USP28: variants seen among roughly 807,000 people sequenced by gnomAD.
USP28 encodes the protein ubiquitin carboxyl-terminal hydrolase 28.
USP28 carries 113 observed loss-of-function variants against 145.0 expected under a neutral mutation model. That is an observed-to-expected ratio of 0.78 (90% CI 0.67 to 0.91). The LOEUF (loss-of-function observed/expected upper bound fraction) is 0.91, where lower values mean the gene tolerates loss of function less well. USP28 is among the 40% of genes least tolerant of loss of function. The pLI is 0.00. For synonymous variants in USP28, 447 were observed against 450.9 expected (o/e 0.99, Z 0.11); for missense variants, 1,201 against 1,289.6 (o/e 0.93, Z 1.05).
chr11:113,840,832 A>G lies in USP28; in HGVS notation c.375-75T>C. 2.0e-6 allele frequency: 3 copies of G among 1,488,720 alleles called. No homozygotes were observed. The African/African-American group carries it at 4.2e-5, about 21-fold the overall frequency. 92.2% of individuals were successfully genotyped at this position (1,488,720 alleles called of 1,614,324 possible). On this transcript the variant is annotated intron_variant, in intron 4 of 24. Coordinates refer to ENST00000003302, the Ensembl canonical transcript of USP28. ...AATATAGCATATGGAGGATGCTATA[A>G]CTTTTCGTGGATAATTCAAAACACC...
exon 17 of USP28, chr11:113,809,148 C>G (rs1342176161): frequency 1.2e-6 from 2 of 1,614,214 alleles, no homozygotes; most frequent in Non-Finnish European, 1.7e-6. Flanking sequence ...CTTCCCACTC[C>G]TCTACTTCCT....
chr11:113,846,391 T>C (rs1411031951), intron 3 of USP28, among the ~76,000 whole-genome samples: 3 of 152,236 alleles, frequency 2.0e-5, no homozygotes, highest in African/African-American at 4.8e-5. Flanking sequence ...ACAGATATTA[T>C]GCCAAATTAA....
intron 3 of USP28, among the ~76,000 whole-genome samples, chr11:113,851,624 G>A (rs977935585): frequency 2.0e-5 from 3 of 152,182 alleles, no homozygotes; most frequent in African/African-American, 4.8e-5. Context: ...GTAAAACCCC[G>A]TCTCTACTAA....
At chr11:113,855,259 A>G (rs188061049) in intron 1 of USP28, among the ~76,000 whole-genome samples, 52 of 151,040 alleles carry the variant, frequency 3.4e-4, no homozygotes, top group African/African-American at 1.3e-3. Flanking sequence ...TCAGTTTACA[A>G]CCCCTTCAGC....
At chr11:113,867,811 G>A (rs1565514375) in intron 1 of USP28, among the ~76,000 whole-genome samples, 2 of 146,292 alleles carry the variant, frequency 1.4e-5, no homozygotes, top group Non-Finnish European at 3.0e-5. Flanking sequence ...AGGGGGGAGG[G>A]AGGGAGGGAG....
chr11:113,855,202 C>T (rs1946916099), intron 1 of USP28, among the ~76,000 whole-genome samples: 2 of 152,144 alleles, frequency 1.3e-5, no homozygotes, highest in Admixed American at 1.3e-4. Context: ...CTTCATTAAC[C>T]TAAATCATGG....
At chr11:113,866,165 G>A (rs980736282) in intron 1 of USP28, among the ~76,000 whole-genome samples, 2 of 152,116 alleles carry the variant, frequency 1.3e-5, no homozygotes, top group African/African-American at 4.8e-5. Flanking sequence ...GTTGGCACGC[G>A]CCTGTAATCC....
intron 18 of USP28, among the ~76,000 whole-genome samples, chr11:113,807,321 G>A (rs897583833): frequency 6.6e-6 from 1 of 152,048 alleles, no homozygotes; most frequent in Non-Finnish European, 1.5e-5. Context: ...TGATCCACCC[G>A]CCTTGGCCTC....
intron 3 of USP28, among the ~76,000 whole-genome samples, chr11:113,845,743 T>C (rs1467174777): frequency 1.3e-5 from 2 of 152,104 alleles, no homozygotes; most frequent in Non-Finnish European, 2.9e-5. Flanking sequence ...CCTGGCTAAT[T>C]TTTCTATCTT....
chr11:113,874,982 G>A, intron 1 of USP28: 8 of 922,726 alleles, frequency 8.7e-6, no homozygotes, highest in Non-Finnish European at 1.0e-5. Context: ...TGGTCTTATA[G>A]AAGACGGTGA....
At position 113,854,235 on chromosome 11, in the gene USP28, C is replaced by T. The variant is rs374338678; in HGVS notation, c.135+23G>A. 2,003 of 1,602,924 alleles carry T rather than the reference C, an allele frequency of 1.2e-3. 45 individuals are homozygous for T. In the South Asian group the frequency reaches 0.02, roughly 16 times the overall value. ...AGACAGCTGCTTTAAAGCCTCCTGA[C>T]TAACAGAGATCTGGAAACCAACCTT... is the stretch of plus-strand genomic sequence containing the variant. On this transcript the variant is annotated intron_variant, in intron 2 of 24. Coordinates refer to ENST00000003302, the Ensembl canonical transcript of USP28.
chr11:113,845,149 TAAAA>T lies in USP28; in HGVS notation c.269-3385_269-3382del, dbSNP rs1370733625. Among the ~76,000 whole-genome samples the T allele has an allele frequency of 5.2e-5, 7 of 133,652 alleles. No individual in the cohort carries two copies. The East Asian group carries it at 1.6e-3, about 30-fold the overall frequency. The allele number at this position is 133,652 out of a possible 152,430, so 87.7% of individuals were successfully genotyped here. ...AAAAAAAAACAACAAAATAAATAAA[TAAAA>T]TACGGCCAGGCATGGTGGCTCATGC... On this transcript the variant is annotated intron_variant, in intron 3 of 24. Transcript: ENST00000003302.
rs114214093 is a variant in USP28, at chr11:113,811,716, A to T, written c.1972+560T>A. ...AAAAAAAGAAAGAAAAAATTTAGTT[A>T]TTCTCCAAAGGGTGCAAAAATATAT... On this transcript the variant is annotated intron_variant, in intron 16 of 24. Coordinates refer to ENST00000003302, the Ensembl canonical transcript of USP28. Among the ~76,000 whole-genome samples the T allele has an allele frequency of 7.9e-3, 1,205 of 152,092 alleles. 18 individuals carry two copies. Among genetic ancestry groups the T allele is most frequent in the African/African-American group, 0.028 (1,163 of 41,492 alleles).
intron 5 of USP28, among the ~76,000 whole-genome samples, chr11:113,836,089 A>G (rs1344910879): frequency 6.6e-6 from 1 of 152,214 alleles, no homozygotes; most frequent in Non-Finnish European, 1.5e-5. Flanking sequence ...AACAAAAAAA[A>G]AGAAAAACAA....
chr11:113,865,359 A>G (rs1461837912), intron 1 of USP28, among the ~76,000 whole-genome samples: 1 of 152,208 alleles, frequency 6.6e-6, no homozygotes, highest in Non-Finnish European at 1.5e-5. Context: ...AAATTCACAC[A>G]GAATTTCAAA....
At chr11:113,802,170 C>A (rs915426277) in intron 23 of USP28, among the ~76,000 whole-genome samples, 1 of 152,076 alleles carries the variant, frequency 6.6e-6, no homozygotes, top group Non-Finnish European at 1.5e-5. Flanking sequence ...GAGTCTAAAT[C>A]CCTATAATTG....
intron 5 of USP28, among the ~76,000 whole-genome samples, chr11:113,835,021 A>G (rs1419524700): frequency 6.6e-6 from 1 of 152,222 alleles, no homozygotes; most frequent in African/African-American, 2.4e-5. Flanking sequence ...ATGTCACAAC[A>G]GGAACTCAAT....
chr11:113,860,027 C>A (rs985429494), intron 1 of USP28, among the ~76,000 whole-genome samples: 3 of 152,116 alleles, frequency 2.0e-5, no homozygotes, highest in African/African-American at 7.2e-5. Flanking sequence ...AACAACTCAC[C>A]CACAATCAGC....
intron 12 of USP28, chr11:113,821,556 T>A: frequency 5.1e-6 from 1 of 195,486 alleles, no homozygotes; most frequent in Non-Finnish European, 1.1e-5. Context: ...TGCAACAGAA[T>A]CAGCATTCTT....
Sources: allele counts gnomAD v4.1 joint callset (sites outside exome capture counted in the v4.1 genomes callset), GRCh38; gene constraint gnomAD v4.1.1; transcripts MANE v1.5; gene names NCBI Gene and HGNC (gene_info 2026-07-23, HGNC 2026-07-21).